The following PCGF6 variants were observed in gnomAD, a reference collection of about 807,000 sequenced individuals.
PCGF6 encodes polycomb group ring finger 6, also known as polycomb group RING finger protein 6.
A neutral mutation model predicts 45.5 loss-of-function variants in PCGF6; 24 were observed. The ratio of observed to expected loss-of-function variants is 0.53; its 90% CI spans 0.38 to 0.74. PCGF6 has a LOEUF of 0.74. Ranked by LOEUF, PCGF6 falls within the 30% of genes least tolerant of loss-of-function variation. The pLI is 0.00. For synonymous variants in PCGF6, 152 were observed against 162.1 expected (o/e 0.94, Z 0.47); for missense variants, 356 against 443.2 (o/e 0.80, Z 1.77).
intron 7 of PCGF6, among the ~76,000 whole-genome samples, chr10:103,332,070 G>A (rs1349385241): frequency 2.0e-5 from 3 of 152,054 alleles, no homozygotes; most frequent in African/African-American, 4.8e-5. Flanking sequence ...GGGATTACAA[G>A]CTTGAGCCAC....
chr10:103,346,186 C>T (rs547404251), intron 5 of PCGF6, among the ~76,000 whole-genome samples: 1 of 137,336 alleles, frequency 7.3e-6, no homozygotes, highest in East Asian at 2.3e-4. Flanking sequence ...CAGAGCAAGT[C>T]CATCTCATTT....
chr10:103,316,013 TAGAGAG>T (rs5787488), intron 8 of PCGF6, among the ~76,000 whole-genome samples: 485 of 119,494 alleles, frequency 4.1e-3, no homozygotes, highest in South Asian at 6.0e-3. Flanking sequence ...TATATATATA[TAGAGAG>T]AGAGAGAGAG....
intron 6 of PCGF6, among the ~76,000 whole-genome samples, chr10:103,341,990 C>A (rs1033385991): frequency 5.3e-5 from 8 of 151,958 alleles, no homozygotes; most frequent in Non-Finnish European, 1.2e-4. Flanking sequence ...GGCTGGAGTG[C>A]AGTGGCACAA....
chr10:103,318,379 G>A lies in PCGF6; in HGVS notation c.910-4107C>T, dbSNP rs563662772. On this transcript the variant is annotated intron_variant, in intron 8 of 9. Coordinates refer to ENST00000369847, the MANE Select transcript of PCGF6 (RefSeq NM_001011663.2). ...GATCACTCAAACCTGGGAGTCAGAA[G>A]TTGTAGTGAACCGAGATCGCGCCAC... Among the ~76,000 whole-genome samples, 19 of 149,064 alleles carry A rather than the reference G, an allele frequency of 1.3e-4. No individual in the cohort carries two copies. In the South Asian group the frequency reaches 3.8e-3, roughly 30 times the overall value.
intron 6 of PCGF6, among the ~76,000 whole-genome samples, chr10:103,334,809 A>G (rs758511555): frequency 1.1e-4 from 17 of 152,198 alleles, no homozygotes; most frequent in Admixed American, 3.3e-4. Context: ...ATTCATGTGC[A>G]TATGCATGCT....
chr10:103,347,206 G>GT (rs1404212329), intron 5 of PCGF6, 32 bp downstream of exon 5: 6 of 1,497,704 alleles, frequency 4.0e-6, no homozygotes, highest in Non-Finnish European at 5.5e-6. Flanking sequence ...TCTTTAATCT[G>GT]TAAGTACATT....
At chr10:103,318,039 G>T (rs1041984689) in intron 8 of PCGF6, among the ~76,000 whole-genome samples, 2 of 151,642 alleles carry the variant, frequency 1.3e-5, no homozygotes, top group Non-Finnish European at 2.9e-5. Context: ...TTACAGGCAT[G>T]AGCCACCGCA....
Position 103,309,400 on chromosome 10 carries a change from G to A in PCGF6, c.996+4786C>T, listed in dbSNP as rs182194353. 6.8e-4 allele frequency among the ~76,000 whole-genome samples: 104 copies of A among 152,266 alleles called. 1 individual carries two copies. The highest frequency in any genetic ancestry group is 6.6e-3 in the Admixed American group (101 of 15,280). ...AAGTGAATAAGGTCTTGTGTGATAT[G>A]GTTGTTTAAAAGTGTGTAGCACTTC... On this transcript the variant is annotated intron_variant, in intron 9 of 9. Transcript: ENST00000369847.
chr10:103,343,356 T>C (rs993138114), intron 6 of PCGF6, among the ~76,000 whole-genome samples: 22 of 151,576 alleles, frequency 1.5e-4, no homozygotes, highest in African/African-American at 5.3e-4. Context: ...AGAAGTAAAA[T>C]AGTCATCAGT....
At chr10:103,320,732 C>A (rs1564726585) in intron 8 of PCGF6, among the ~76,000 whole-genome samples, 2 of 151,312 alleles carry the variant, frequency 1.3e-5, no homozygotes, top group Admixed American at 6.6e-5. Flanking sequence ...TTGGAATTGT[C>A]TTGTTTTTAA....
At chr10:103,344,561 C>A (rs981033723) in intron 6 of PCGF6, among the ~76,000 whole-genome samples, 1 of 151,932 alleles carries the variant, frequency 6.6e-6, no homozygotes, top group Non-Finnish European at 1.5e-5. Context: ...AGCCACCATG[C>A]CCAGCCTTTT....
At chr10:103,308,259 C>T (rs1482118711) in intron 9 of PCGF6, among the ~76,000 whole-genome samples, 1 of 152,140 alleles carries the variant, frequency 6.6e-6, no homozygotes, top group Non-Finnish European at 1.5e-5. Context: ...ATGCCATAGG[C>T]ACTCAACACC....
Position 103,348,999 on chromosome 10 carries a change from G to A in PCGF6, c.361C>T (p.Arg121Cys), listed in dbSNP as rs199872878. 1.4e-4 allele frequency: 217 copies of A among 1,606,120 alleles called. No individual in the cohort carries two copies. Among genetic ancestry groups the A allele is most frequent in the Admixed American group, 7.4e-4 (43 of 58,118 alleles). ...GTCAGCTCAGAGAGATTAATCAGGCGCTGCAAATAAACGGAAACAGTTTTA... is the reference window on the plus strand; with the variant it reads ...GTCAGCTCAGAGAGATTAATCAGGCACTGCAAATAAACGGAAACAGTTTTA... Reference protein sequence around the residue: ...GRQDSEDEEERLINLSELTPY... With the variant: ...GRQDSEDEEECLINLSELTPY... Residue 121 changes from arginine to cysteine, a missense_variant and splice_region_variant, in exon 2 of 10, where the codon CGC (arginine) becomes TGC (cysteine). Arg to Cys is a radical substitution (Grantham distance 180). Around this residue, in one of 2 missense-constraint regions of PCGF6, gnomAD observed 307 missense variants for 350.1 expected, o/e 0.88. Transcript: ENST00000369847.
chr10:103,334,135 GGCA>G (rs1225412289), intron 6 of PCGF6, among the ~76,000 whole-genome samples, 183 bp from the exon 7 acceptor site: 1 of 152,032 alleles, frequency 6.6e-6, no homozygotes, highest in African/African-American at 2.4e-5. Context: ...TTAAGGCAAA[GGCA>G]GTTTTATCCA....
At chr10:103,337,626 A>G (rs1281541115) in intron 6 of PCGF6, among the ~76,000 whole-genome samples, 1 of 152,148 alleles carries the variant, frequency 6.6e-6, no homozygotes, top group Non-Finnish European at 1.5e-5. Flanking sequence ...AAAGGATAAG[A>G]GTCTATCTTA....
At chr10:103,327,180 G>T (rs778091549) in intron 7 of PCGF6, among the ~76,000 whole-genome samples, 3 of 152,152 alleles carry the variant, frequency 2.0e-5, no homozygotes, top group Non-Finnish European at 4.4e-5. Context: ...AGCTACTCGG[G>T]AGGCTGAGGC....
intron 8 of PCGF6, among the ~76,000 whole-genome samples, chr10:103,319,433 G>A (rs559418851): frequency 6.6e-6 from 1 of 152,060 alleles, no homozygotes; most frequent in African/African-American, 2.4e-5. Context: ...TTACAAGCGT[G>A]AGCCACCGGA....
intron 8 of PCGF6, among the ~76,000 whole-genome samples, chr10:103,326,229 C>CAA (rs544790414): frequency 2.4e-3 from 359 of 147,416 alleles, no homozygotes; most frequent in African/African-American, 7.8e-3. Flanking sequence ...ACTAAAAATA[C>CAA]AAAAAAAAAA....
At chr10:103,339,525 TCACG>T (rs1425136513) in intron 6 of PCGF6, among the ~76,000 whole-genome samples, 1 of 152,026 alleles carries the variant, frequency 6.6e-6, no homozygotes, top group African/African-American at 2.4e-5. Context: ...GTGCAGTGGC[TCACG>T]CCTGTAATCC....
Sources: allele counts gnomAD v4.1 joint callset (sites outside exome capture counted in the v4.1 genomes callset), GRCh38; gene constraint gnomAD v4.1.1; regional missense constraint gnomAD v4.1.1; transcripts MANE v1.5; gene names NCBI Gene and HGNC (gene_info 2026-07-23, HGNC 2026-07-21).